Variants in IL33 observed in about 807,000 individuals in gnomAD.
IL33 encodes the protein interleukin-33.
Under a neutral mutation model 27.3 loss-of-function variants are expected in IL33, and 37 were observed. The observed-to-expected ratio is 1.36, with a 90% CI of 1.04 to 1.78. IL33 has a LOEUF of 1.78. Among genes scored for constraint, IL33 ranks in the 40% most tolerant of loss-of-function variants. The pLI, the probability that IL33 is intolerant of heterozygous loss-of-function variation, is 0.00. For missense variants in IL33, 406 were observed against 311.4 expected (o/e 1.30, Z -2.29); for synonymous variants, 132 against 102.9 (o/e 1.28, Z -1.71).
chr9:6,251,069 G>C, intron 3 of IL33, 71 bp from the exon 4 acceptor site: 1 of 1,565,358 alleles, frequency 6.4e-7, no homozygotes, highest in Non-Finnish European at 8.7e-7. Context: ...AGCCTTAACT[G>C]GGAATCCTCA....
intron 1 of IL33, among the ~76,000 whole-genome samples, chr9:6,227,889 G>A (rs1564052582): frequency 6.6e-6 from 1 of 152,160 alleles, no homozygotes. Context: ...GGGCTAGGGA[G>A]GAAGATCTGG....
chr9:6,250,468 G>A lies in IL33; in HGVS notation c.92-6G>A, dbSNP rs1816283304. 6.2e-7 allele frequency: 1 copy of A among 1,611,974 alleles called. No individual in the cohort carries two copies. Among genetic ancestry groups the A allele is most frequent in the African/African-American group, 1.3e-5 (1 of 74,778 alleles). On this transcript the variant is annotated splice_polypyrimidine_tract_variant and splice_region_variant and intron_variant, in intron 2 of 7. Transcript: ENST00000682010. ...AAACAGTCTCACAAGTTTTTCAATT[G>A]TTTAGAATCCCAACAGAAGGCCAAA...
intron 1 of IL33, among the ~76,000 whole-genome samples, chr9:6,218,750 A>C (rs1490862460): frequency 9.3e-6 from 1 of 107,176 alleles, no homozygotes; most frequent in African/African-American, 3.4e-5. Flanking sequence ...TATGTTCTCC[A>C]TATATATATA....
Position 6,256,097 on chromosome 9 carries a change from G to A in IL33, c.742G>A (p.Ala248Thr). The A allele has an allele frequency of 1.2e-6, 2 of 1,612,988 alleles. No individual in the cohort carries two copies. Among genetic ancestry groups the A allele is most frequent in the East Asian group, 2.2e-5 (1 of 44,854 alleles). ...TATAGGTGTAAAGGATAATCATCTT[G>A]CTCTGATTAAAGTAGACTCTTCTGA... Reference protein sequence around the residue: ...VFIGVKDNHLALIKVDSSENL... With the variant: ...VFIGVKDNHLTLIKVDSSENL... Residue 248 changes from alanine to threonine, a missense_variant, in exon 8 of 8, where the codon GCT becomes ACT. Physicochemically the swap from Ala to Thr is moderately conservative, Grantham distance 58. Transcript: ENST00000682010.
At chr9:6,252,068 C>CAAAAAAAAAAAAAAAAAAA (rs1564073279) in intron 4 of IL33, among the ~76,000 whole-genome samples, 1 of 74,846 alleles carries the variant, frequency 1.3e-5, no homozygotes, top group Admixed American at 1.7e-4. Flanking sequence ...AAAAAAAACC[C>CAAAAAAAAAAAAAAAAAAA]AACAAAAAAC....
At chr9:6,254,704 A>C (rs991348415) in intron 7 of IL33, 151 bp downstream of exon 7, 1 of 385,218 alleles carries the variant, frequency 2.6e-6, no homozygotes, top group Middle Eastern at 7.2e-4. Flanking sequence ...ACTTACTACA[A>C]ATGACTTGCT....
At chr9:6,252,498 T>C (rs943131395) in intron 4 of IL33, among the ~76,000 whole-genome samples, 6 of 152,206 alleles carry the variant, frequency 3.9e-5, no homozygotes, top group African/African-American at 1.4e-4. Context: ...TGAACATTTA[T>C]TTATCCATGT....
rs1278171792 is a variant in IL33, at chr9:6,256,831, G to T, written c.*663G>T. The T allele has an allele frequency of 6.6e-6, 1 of 152,576 alleles. No individual in the cohort carries two copies. Among genetic ancestry groups the T allele is most frequent in the Non-Finnish European group, 1.5e-5 (1 of 68,348 alleles). The allele number at this position is 152,576 out of a possible 1,614,324, so 9.5% of individuals were successfully genotyped here. ...ATTTAGAAAAATAAATCCAGTATTTGTAAAGTGAATAACTTCATTTCTAAT... is the reference window on the plus strand; with the variant it reads ...ATTTAGAAAAATAAATCCAGTATTTTTAAAGTGAATAACTTCATTTCTAAT... On this transcript the variant is annotated 3_prime_UTR_variant, in exon 8 of 8. Transcript: ENST00000682010.
At chr9:6,225,996 G>A (rs1267078225) in intron 1 of IL33, among the ~76,000 whole-genome samples, 1 of 151,948 alleles carries the variant, frequency 6.6e-6, no homozygotes, top group Non-Finnish European at 1.5e-5. Flanking sequence ...ATATGAAGAT[G>A]TGGATTTTTC....
chr9:6,250,450 C>T (rs1242891885), intron 2 of IL33, 24 bp from the exon 3 acceptor site: 1 of 1,609,248 alleles, frequency 6.2e-7, no homozygotes, highest in Admixed American at 1.7e-5. Flanking sequence ...ATGAAACAGT[C>T]TCACAAGTTT....
At chr9:6,242,597 A>C (rs1819591901) in intron 2 of IL33, 1 of 152,230 alleles carries the variant, frequency 6.6e-6, no homozygotes. Context: ...TGACATTTTC[A>C]GCGATCAAGA....
intron 1 of IL33, among the ~76,000 whole-genome samples, chr9:6,225,452 T>G (rs982984544): frequency 1.3e-5 from 2 of 152,166 alleles, no homozygotes; most frequent in Admixed American, 6.5e-5. Flanking sequence ...CATACCCATT[T>G]ACTAGCTGTG....
intron 1 of IL33, among the ~76,000 whole-genome samples, chr9:6,235,814 A>G (rs1310609024): frequency 2.0e-5 from 3 of 152,232 alleles, no homozygotes; most frequent in Non-Finnish European, 4.4e-5. Context: ...TGCTAGAAAG[A>G]TGGAGAAAAG....
intron 1 of IL33, among the ~76,000 whole-genome samples, chr9:6,231,473 C>T (rs1161114546): frequency 2.6e-5 from 4 of 152,184 alleles, no homozygotes; most frequent in East Asian, 1.9e-4. Flanking sequence ...ATGTTCCTCA[C>T]GCCCTTTGGG....
chr9:6,246,063 C>CAAAAA (rs71328183), intron 2 of IL33, among the ~76,000 whole-genome samples: 1 of 49,598 alleles, frequency 2.0e-5, no homozygotes, highest in African/African-American at 8.3e-5. Flanking sequence ...ACTCTGTCTC[C>CAAAAA]AAAAAAAAAA....
At chr9:6,226,826 G>A (rs1307212869) in intron 1 of IL33, among the ~76,000 whole-genome samples, 1 of 152,180 alleles carries the variant, frequency 6.6e-6, no homozygotes, top group East Asian at 1.9e-4. Flanking sequence ...TCACCATGGT[G>A]TCTGGTATTC....
chr9:6,218,208 G>A (rs1464471990), intron 1 of IL33, among the ~76,000 whole-genome samples: 3 of 152,106 alleles, frequency 2.0e-5, no homozygotes, highest in Admixed American at 6.5e-5. Context: ...AAGGATCCTG[G>A]ACCTTCTACC....
At chr9:6,242,024 C>T (rs553360312) in intron 2 of IL33, among the ~76,000 whole-genome samples, 27 of 152,276 alleles carry the variant, frequency 1.8e-4, no homozygotes, top group Admixed American at 1.2e-3. Context: ...ATAATCTGAA[C>T]CTGTGAATAG....
chr9:6,254,447 T>C lies in IL33; in HGVS notation c.521-15T>C. ...CAGTTCTTAACTTTATCATTTATAC[T>C]TTCTTAATTGTAAGGTGACGGTGTT... On this transcript the variant is annotated splice_polypyrimidine_tract_variant and intron_variant, in intron 6 of 7. Coordinates refer to ENST00000682010, the MANE Select transcript of IL33 (RefSeq NM_033439.4). 3 of 1,514,786 alleles carry C rather than the reference T, an allele frequency of 2.0e-6. No homozygotes were observed. Among genetic ancestry groups the C allele is most frequent in the Non-Finnish European group, 2.7e-6 (3 of 1,113,480 alleles). 93.8% of individuals were successfully genotyped at this position (1,514,786 alleles called of 1,614,324 possible).
Sources: gnomAD v4.1 joint callset for allele counts (sites outside exome capture counted in the v4.1 genomes callset) on GRCh38, gnomAD v4.1.1 for gene constraint, MANE v1.5 for transcripts, NCBI Gene and HGNC (gene_info 2026-07-23, HGNC 2026-07-21) for gene names.